PGAP6: variants seen among roughly 807,000 people sequenced by gnomAD.
PGAP6 encodes post-GPI attachment to proteins 6.
In PGAP6, 62 loss-of-function variants were observed where a neutral mutation model predicts 68.4. That is an observed-to-expected ratio of 0.91 (90% CI 0.74 to 1.12). The LOEUF (loss-of-function observed/expected upper bound fraction) is 1.12, where lower values mean the gene tolerates loss of function less well. Among genes scored for constraint, PGAP6 ranks in the 50% most tolerant of loss-of-function variants. PGAP6 has a pLI of 0.00. For synonymous variants in PGAP6, 575 were observed against 474.0 expected (o/e 1.21, Z -2.77); for missense variants, 1,188 against 1,068.5 (o/e 1.11, Z -1.56).
Position 381,934 on chromosome 16 carries a change from G to A in PGAP6, c.-113C>T. On this transcript the variant is annotated 5_prime_UTR_variant, in exon 1 of 13. Coordinates refer to ENST00000431232, the MANE Select transcript of PGAP6 (RefSeq NM_021259.3). ...TCTGCCGCCTCCGCCTCTGCCCCCG[G>A]CGCCCATGGCCCGGCCGGTCCCCGC... 2 of 970,600 alleles carry A rather than the reference G, an allele frequency of 2.1e-6. No homozygotes were observed. Among genetic ancestry groups the A allele is most frequent in the Non-Finnish European group, 1.2e-6 (1 of 819,134 alleles). 60.1% of individuals were successfully genotyped at this position (970,600 alleles called of 1,614,324 possible).
chr16:383,994 C>A (rs543171936), upstream of PGAP6, among the ~76,000 whole-genome samples: 7 of 152,188 alleles, frequency 4.6e-5, no homozygotes, highest in African/African-American at 1.7e-4. Context: ...CCAGCTGGGC[C>A]GTCCTCAGCC....
Position 377,471 on chromosome 16 carries a change from T to A in PGAP6, c.414A>T (p.Arg138Ser). ...GGGAAACGTTGACGGAGGCATTGCT[T>A]CTCGGTGTGGTGCTCAGCGGCACCC... ...QVGVPLSTTPRSNASVNVSHP... is the reference protein window; with the variant it reads ...QVGVPLSTTPSSNASVNVSHP... Residue 138 changes from arginine to serine, a missense_variant, in exon 3 of 13, where the codon AGA (arginine) becomes AGT (serine). Coordinates refer to ENST00000431232, the MANE Select transcript of PGAP6 (RefSeq NM_021259.3). The A allele has an allele frequency of 6.2e-7, 1 of 1,610,292 alleles. No individual in the cohort carries two copies. Among genetic ancestry groups the A allele is most frequent in the Non-Finnish European group, 8.5e-7 (1 of 1,178,956 alleles).
At chr16:373,395 C>G (rs1010378495) in intron 11 of PGAP6, among the ~76,000 whole-genome samples, 1 of 152,168 alleles carries the variant, frequency 6.6e-6, no homozygotes, top group African/African-American at 2.4e-5. Context: ...CCCCAAGGAC[C>G]CAGGGAGCAT....
chr16:372,334 G>T, intron 12 of PGAP6, 51 bp from the exon 13 acceptor site: 1 of 1,547,468 alleles, frequency 6.5e-7, no homozygotes, highest in African/African-American at 1.4e-5. Flanking sequence ...CGCGGCTGCA[G>T]CTCCCAGGGC....
rs1392418188 is a variant in PGAP6, at chr16:372,689, G to A, written c.1941C>T (p.Ser647=). Residue 647 remains serine (S), a synonymous_variant, in exon 12 of 13, where the codon TCC becomes TCT. Transcript: ENST00000431232. ...FLLGTLVIAM[S]LQLDRRGMWN... ...ACATGCCCCTGCGGTCCAGCTGCAA[G>A]GACATGGCGATGACCAGTGTACCCA... The A allele has an allele frequency of 6.2e-7, 1 of 1,612,418 alleles. No homozygotes were observed. Among genetic ancestry groups the A allele is most frequent in the South Asian group, 1.1e-5 (1 of 91,082 alleles).
chr16:381,760 A>AGCG lies in PGAP6; in HGVS notation c.59_61dup (p.Pro20dup). 8.3e-7 allele frequency: 1 copy of AGCG among 1,200,746 alleles called. No homozygotes were observed. The highest frequency in any genetic ancestry group is 1.0e-6 in the Non-Finnish European group (1 of 966,620). 74.4% of individuals were successfully genotyped at this position (1,200,746 alleles called of 1,614,324 possible). On this transcript the variant is annotated inframe_insertion, in exon 1 of 13. Coordinates refer to ENST00000431232, the MANE Select transcript of PGAP6 (RefSeq NM_021259.3). ...GGGCCGGGCAAGCAGCAGCAGCAGC[A>AGCG]GCGGCCCCGCCACCACCGCGGCCAC...
Position 376,738 on chromosome 16 carries a change from C to A in PGAP6, c.710G>T (p.Cys237Phe). ...RDCVSNGSLG[C>F]PVRLTVGPVT... ...CGGGCCCACGGTGAGACGCACGGGG[C>A]AGCCCAGGCTCCCATTGGACACGCA... Residue 237 changes from cysteine (C) to phenylalanine (F), a missense_variant, in exon 5 of 13, where the codon TGC (cysteine) becomes TTC (phenylalanine). Coordinates refer to ENST00000431232, the MANE Select transcript of PGAP6 (RefSeq NM_021259.3). 6.2e-7 allele frequency: 1 copy of A among 1,611,518 alleles called. No homozygotes were observed. The highest frequency in any genetic ancestry group is 8.5e-7 in the Non-Finnish European group (1 of 1,179,846).
chr16:375,384 G>A lies in PGAP6; in HGVS notation c.1276C>T (p.Pro426Ser). The A allele has an allele frequency of 1.2e-6, 2 of 1,612,982 alleles. No individual in the cohort carries two copies. Among genetic ancestry groups the A allele is most frequent in the Non-Finnish European group, 1.7e-6 (2 of 1,179,958 alleles). Residue 426 changes from proline to serine, a missense_variant, in exon 7 of 13, where the codon CCC becomes TCC. Pro to Ser is a moderately conservative substitution (Grantham distance 74). Transcript: ENST00000431232. The part of the protein sequence containing the change: ...VVVACVNAAS[P>S]FLGFNTSLNC... ...AGCGAAGTATTGAAGCCAAGGAAGG[G>A]CGAGGCAGCATTCACGCAGGCCACT... is the stretch of plus-strand genomic sequence containing the variant.
intron 11 of PGAP6, 48 bp from the exon 12 acceptor site, chr16:372,775 G>C: frequency 7.0e-7 from 1 of 1,421,720 alleles, no homozygotes; most frequent in African/African-American, 1.4e-5. Context: ...GAGGGCTCAA[G>C]GCCCAGCAGG....
chr16:374,469 G>T, intron 9 of PGAP6, 70 bp from the exon 10 acceptor site: 1 of 1,439,526 alleles, frequency 6.9e-7, no homozygotes, highest in Non-Finnish European at 9.2e-7. Context: ...CCTCACCCAG[G>T]ACCCTGCAGA....
upstream of PGAP6, among the ~76,000 whole-genome samples, chr16:384,588 T>G (rs113770680): frequency 2.6e-5 from 4 of 152,194 alleles, no homozygotes; most frequent in African/African-American, 9.6e-5. Context: ...GGGCGCGGTG[T>G]CTCACGCCTG....
In PGAP6 at chr16:376,337, ACTC is replaced by A. The variant is rs771334511; in HGVS notation, c.1020_1022del (p.Arg340del). On this transcript the variant is annotated inframe_deletion, in exon 6 of 13. Transcript: ENST00000431232. ...AGAAGGGGCTGCGGTCCACCCTGCC[ACTC>A]CTGCCCAGGTCCTGGTGGTCGGGGC... The A allele has an allele frequency of 6.8e-6, 11 of 1,612,210 alleles. No homozygotes were observed. In the Admixed American group the frequency reaches 1.8e-4, roughly 27 times the overall value.
Position 376,294 on chromosome 16 carries a change from C to G in PGAP6, c.1066G>C (p.Val356Leu), listed in dbSNP as rs938589849. 6.2e-7 allele frequency: 1 copy of G among 1,612,508 alleles called. No homozygotes were observed. The highest frequency in any genetic ancestry group is 1.3e-5 in the African/African-American group (1 of 74,838). Residue 356 changes from valine (V) to leucine (L), a missense_variant, in exon 6 of 13, where the codon GTC becomes CTC. Transcript: ENST00000431232. ...ACCACGTCCATGTCCTCCCGCGTGA[C>G]TGGGTAGTTTGTGAGGCAGAAGGGG... ...RSPFCLTNYPVTREDMDVVSV... is the reference protein window; with the variant it reads ...RSPFCLTNYPLTREDMDVVSV...
At chr16:374,921 G>A (rs1462615298) in intron 8 of PGAP6, 29 bp from the exon 9 acceptor site, 2 of 1,611,888 alleles carry the variant, frequency 1.2e-6, no homozygotes, top group Non-Finnish European at 8.5e-7. Context: ...AGGAAAGCTG[G>A]TGCAGTGATC....
chr16:379,213 A>C (rs1460583499), intron 1 of PGAP6, among the ~76,000 whole-genome samples: 3 of 152,086 alleles, frequency 2.0e-5, no homozygotes, highest in African/African-American at 7.2e-5. Flanking sequence ...CCTAGGTCTC[A>C]CTGGAGAGTG....
Position 381,682 on chromosome 16 carries a change from G to A in PGAP6, c.121+19C>T, listed in dbSNP as rs1170508314. On this transcript the variant is annotated intron_variant, in intron 1 of 12. Coordinates refer to ENST00000431232, the MANE Select transcript of PGAP6 (RefSeq NM_021259.3). ...GCCCCGGCCCCACGCCCCCGATGGCGCCCGCGCCTCCCGCTCACCGCTCTT... is the reference window on the plus strand; with the variant it reads ...GCCCCGGCCCCACGCCCCCGATGGCACCCGCGCCTCCCGCTCACCGCTCTT... 2 of 1,198,400 alleles carry A rather than the reference G, an allele frequency of 1.7e-6. No homozygotes were observed. The highest frequency in any genetic ancestry group is 2.1e-6 in the Non-Finnish European group (2 of 965,782). The allele number at this position is 1,198,400 out of a possible 1,614,324, so 74.2% of individuals were successfully genotyped here.
chr16:375,522 C>A, intron 6 of PGAP6, 87 bp from the exon 7 acceptor site: 1 of 1,074,366 alleles, frequency 9.3e-7, no homozygotes. Flanking sequence ...CAGCCTGGTG[C>A]TGGTGCCTTT....
chr16:376,782 A>G lies in PGAP6; in HGVS notation c.666T>C (p.Leu222=). 6.2e-7 allele frequency: 1 copy of G among 1,609,654 alleles called. No individual in the cohort carries two copies. Among genetic ancestry groups the G allele is most frequent in the Middle Eastern group, 1.9e-4 (1 of 5,246 alleles). ...KVFVPDYTRE[L]LLELRDCVSN... The stretch of plus-strand genomic sequence containing the variant: ...ACACGCAGTCCCGCAGCTCCAGCAG[A>G]AGCTCCCGCGTGTAATCGGGGACAA... The change falls in exon 5 of 13, where the codon CTT becomes CTC. Residue 222 remains leucine (L), a synonymous_variant. Transcript: ENST00000431232.
Position 377,844 on chromosome 16 carries a change from C to T in PGAP6, c.126G>A (p.Val42=), listed in dbSNP as rs1169600600. ...ASAGYSGKSE[V]GLVSEHFSQA... is the part of the protein sequence containing the mutation. ...GCGAGAAGTGCTCGGACACCAGCCC[C>T]ACCTCTGTGAGGAGAAGGAGGTGTC... Residue 42 remains valine, a synonymous_variant, in exon 2 of 13, where the codon GTG becomes GTA. Transcript: ENST00000431232. 1.3e-6 allele frequency: 2 copies of T among 1,555,600 alleles called. No homozygotes were observed. Among genetic ancestry groups the T allele is most frequent in the Admixed American group, 1.9e-5 (1 of 51,560 alleles).
Sources: gnomAD v4.1 joint callset for allele counts (sites outside exome capture counted in the v4.1 genomes callset) on GRCh38, gnomAD v4.1.1 for gene constraint, MANE v1.5 for transcripts, NCBI Gene and HGNC (gene_info 2026-07-23, HGNC 2026-07-21) for gene names.